FER: variants seen among roughly 807,000 people sequenced by gnomAD.
The protein encoded by FER is tyrosine-protein kinase Fer.
In FER, 63 loss-of-function variants were observed where a neutral mutation model predicts 111.0. The observed-to-expected ratio is 0.57, with a 90% confidence interval of 0.46 to 0.70. The LOEUF (loss-of-function observed/expected upper bound fraction) is 0.70. FER is among the 30% of genes least tolerant of loss of function. The pLI is 0.00. For synonymous variants in FER, 327 were observed against 313.9 expected (o/e 1.04, Z -0.44); for missense variants, 914 against 954.0 (o/e 0.96, Z 0.55).
intron 17 of FER, among the ~76,000 whole-genome samples, chr5:109,122,958 T>C (rs1455441715): frequency 6.6e-6 from 1 of 152,178 alleles, no homozygotes; most frequent in Non-Finnish European, 1.5e-5. Flanking sequence ...TGTGTGTCTT[T>C]ATGGATGAAG....
At chr5:109,051,568 C>A in intron 16 of FER, 11 of 1,609,962 alleles carry the variant, frequency 6.8e-6, no homozygotes, top group Non-Finnish European at 9.4e-6. Context: ...GTAATTGCGG[C>A]AAGAAGAATT....
intron 17 of FER, among the ~76,000 whole-genome samples, chr5:109,106,005 C>T (rs1037538797): frequency 5.9e-5 from 9 of 152,164 alleles, no homozygotes; most frequent in Admixed American, 4.6e-4. Flanking sequence ...GTTTGAGTAT[C>T]GTGCCCAAGA....
chr5:108,791,370 T>G (rs985868668), intron 2 of FER, among the ~76,000 whole-genome samples: 6 of 152,278 alleles, frequency 3.9e-5, no homozygotes, highest in African/African-American at 7.2e-5. Flanking sequence ...TAGTTCTGAT[T>G]TGAATTTTCC....
chr5:109,057,271 A>C (rs1003565379), intron 16 of FER, among the ~76,000 whole-genome samples: 2 of 152,224 alleles, frequency 1.3e-5, no homozygotes, highest in Non-Finnish European at 2.9e-5. Context: ...GAAAAGAAAC[A>C]ATATAGATAG....
chr5:108,873,444 C>T (rs1764798063), intron 8 of FER, among the ~76,000 whole-genome samples: 1 of 152,086 alleles, frequency 6.6e-6, no homozygotes. Context: ...TGTGCCCAGC[C>T]AGGTTTTGGA....
chr5:108,976,078 G>A (rs1429135616), intron 13 of FER, among the ~76,000 whole-genome samples: 1 of 152,196 alleles, frequency 6.6e-6, no homozygotes, highest in African/African-American at 2.4e-5. Flanking sequence ...GAAAATACCT[G>A]AAGGTTTGGA....
chr5:109,015,334 CT>C (rs1291695010), intron 13 of FER, among the ~76,000 whole-genome samples: 1 of 151,826 alleles, frequency 6.6e-6, no homozygotes, highest in Non-Finnish European at 1.5e-5. Context: ...ATAATACTTT[CT>C]TTTAAAATTG....
intron 5 of FER, among the ~76,000 whole-genome samples, chr5:108,865,805 C>T (rs959924862): frequency 1.2e-4 from 19 of 152,270 alleles, no homozygotes; most frequent in Non-Finnish European, 1.9e-4. Flanking sequence ...CAAAAGAAGA[C>T]ATTTATGCAG....
At chr5:108,856,467 C>A (rs1763017969) in intron 5 of FER, among the ~76,000 whole-genome samples, 1 of 152,020 alleles carries the variant, frequency 6.6e-6, no homozygotes, top group African/African-American at 2.4e-5. Context: ...TATTAGATAC[C>A]TTTCGTATCA....
chr5:109,125,138 T>G (rs1321343131), intron 17 of FER, among the ~76,000 whole-genome samples: 1 of 152,010 alleles, frequency 6.6e-6, no homozygotes, highest in Non-Finnish European at 1.5e-5. Context: ...TTCACTAAAC[T>G]TGCTGTTCTC....
intron 13 of FER, among the ~76,000 whole-genome samples, chr5:108,964,352 CAG>C (rs1032914468): frequency 3.3e-5 from 5 of 152,220 alleles, no homozygotes; most frequent in South Asian, 2.1e-4. Flanking sequence ...TAAATGGAAA[CAG>C]GGAGTTATCT....
At chr5:109,060,367 T>C (rs141062477) in intron 16 of FER, among the ~76,000 whole-genome samples, 11 of 142,910 alleles carry the variant, frequency 7.7e-5, no homozygotes, top group African/African-American at 2.8e-4. Flanking sequence ...CTCAGTCTCT[T>C]TTAAGTTGTA....
intron 3 of FER, among the ~76,000 whole-genome samples, chr5:108,812,678 T>A (rs1048230464): frequency 2.0e-5 from 3 of 152,128 alleles, no homozygotes; most frequent in African/African-American, 7.2e-5. Flanking sequence ...TGAGCATTTT[T>A]AAAATGTGAC....
intron 17 of FER, among the ~76,000 whole-genome samples, chr5:109,172,468 ACT>A (rs1228037854): frequency 6.4e-5 from 6 of 93,282 alleles, no homozygotes; most frequent in Non-Finnish European, 1.2e-4. Context: ...GGAACATCAC[ACT>A]CTGGGGACTG....
intron 5 of FER, among the ~76,000 whole-genome samples, chr5:108,850,575 CTTTT>C (rs936716793): frequency 6.6e-6 from 1 of 151,894 alleles, no homozygotes; most frequent in Non-Finnish European, 1.5e-5. Flanking sequence ...TGTGTTATCT[CTTTT>C]TTTAAGTTGG....
At chr5:108,995,158 G>T (rs1763825767) in intron 13 of FER, among the ~76,000 whole-genome samples, 1 of 152,134 alleles carries the variant, frequency 6.6e-6, no homozygotes, top group Non-Finnish European at 1.5e-5. Flanking sequence ...TTGAAAAGGA[G>T]TGGTGAGAGA....
rs116845707 is a variant in FER at position 108,854,425 on chromosome 5, G to A, written c.482-13342G>A. ...CCACATAGACTGCAAATTGTTTACAGTTGTGAAAGCTGAAACAAAAAGTGG... is the reference window on the plus strand; with the variant it reads ...CCACATAGACTGCAAATTGTTTACAATTGTGAAAGCTGAAACAAAAAGTGG... On this transcript the variant is annotated intron_variant, in intron 5 of 19. Transcript: ENST00000281092. Among the ~76,000 whole-genome samples, 432 of 152,276 alleles carry A rather than the reference G, an allele frequency of 2.8e-3. 5 individuals are homozygous for A. The highest frequency in any genetic ancestry group is 0.027 in the Middle Eastern group (8 of 294).
intron 11 of FER, among the ~76,000 whole-genome samples, chr5:108,954,240 C>T (rs903288727): frequency 1.4e-4 from 22 of 152,046 alleles, no homozygotes; most frequent in African/African-American, 5.3e-4. Context: ...AAAGGCACAG[C>T]AGCAAGGCAG....
intron 2 of FER, among the ~76,000 whole-genome samples, chr5:108,777,523 C>G (rs1753623075): frequency 1.3e-5 from 2 of 152,122 alleles, no homozygotes; most frequent in African/African-American, 4.8e-5. Context: ...CATGTATGCA[C>G]CATTATAGCA....
Sources: gnomAD v4.1 joint callset for allele counts (sites outside exome capture counted in the v4.1 genomes callset) on GRCh38, gnomAD v4.1.1 for gene constraint, MANE v1.5 for transcripts, NCBI Gene and HGNC (gene_info 2026-07-23, HGNC 2026-07-21) for gene names.